KCNAB1: variants seen among roughly 807,000 people sequenced by gnomAD.
The protein encoded by KCNAB1 is potassium voltage-gated channel subfamily A regulatory beta subunit 1, also known as voltage-gated potassium channel subunit beta-1.
Under a neutral mutation model 64.6 loss-of-function variants are expected in KCNAB1, and 35 were observed. The ratio of observed to expected loss-of-function variants is 0.54; its 90% CI spans 0.41 to 0.72. KCNAB1 has a LOEUF of 0.72. KCNAB1 is among the 30% of genes least tolerant of loss of function. KCNAB1 has a pLI of 0.00. For synonymous variants in KCNAB1, 177 were observed against 183.8 expected (o/e 0.96, Z 0.30); for missense variants, 401 against 512.9 (o/e 0.78, Z 2.11).
intron 1 of KCNAB1, among the ~76,000 whole-genome samples, chr3:156,233,119 G>T (rs1243855680): frequency 6.6e-6 from 1 of 152,142 alleles, no homozygotes; most frequent in South Asian, 2.1e-4. Context: ...CACTTTTGGG[G>T]CACAAAGGGG....
chr3:156,223,290 G>C (rs1715903668), intron 1 of KCNAB1, among the ~76,000 whole-genome samples: 2 of 152,234 alleles, frequency 1.3e-5, no homozygotes, highest in African/African-American at 2.4e-5. Context: ...AGCTTCCACA[G>C]TGTGGAAGGG....
At chr3:156,485,476 A>G (rs1715137051) in intron 8 of KCNAB1, among the ~76,000 whole-genome samples, 1 of 152,108 alleles carries the variant, frequency 6.6e-6, no homozygotes, top group Non-Finnish European at 1.5e-5. Context: ...ATACTCAAGA[A>G]TATTCAAGCC....
At chr3:156,483,249 C>G (rs1352199408) in intron 8 of KCNAB1, among the ~76,000 whole-genome samples, 1 of 152,072 alleles carries the variant, frequency 6.6e-6, no homozygotes, top group East Asian at 1.9e-4. Context: ...GACAAGCCCA[C>G]CTGGCCATGA....
intron 1 of KCNAB1, among the ~76,000 whole-genome samples, chr3:156,288,326 G>A (rs79483679): frequency 0.022 from 3,313 of 152,238 alleles, 142 homozygotes; most frequent in African/African-American, 0.076. Context: ...ACATGAATTT[G>A]GAGGGAGCAC....
intron 1 of KCNAB1, among the ~76,000 whole-genome samples, chr3:156,324,790 A>G (rs1722866685): frequency 6.6e-6 from 1 of 152,128 alleles, no homozygotes; most frequent in African/African-American, 2.4e-5. Context: ...TCAGGTAATA[A>G]AAAGACCAGG....
chr3:156,228,851 CT>C (rs1022411078), intron 1 of KCNAB1, among the ~76,000 whole-genome samples: 31 of 152,336 alleles, frequency 2.0e-4, no homozygotes, highest in Non-Finnish European at 3.1e-4. Context: ...CCACATGGCC[CT>C]TTGTAGGCTG....
At chr3:156,484,208 T>C (rs1477371535) in intron 8 of KCNAB1, among the ~76,000 whole-genome samples, 2 of 152,116 alleles carry the variant, frequency 1.3e-5, no homozygotes, top group Admixed American at 1.3e-4. Flanking sequence ...AGAGATTCAA[T>C]CTGTATCATT....
intron 7 of KCNAB1, among the ~76,000 whole-genome samples, chr3:156,466,241 A>C (rs1203423770): frequency 6.6e-6 from 1 of 152,104 alleles, no homozygotes; most frequent in South Asian, 2.1e-4. Flanking sequence ...ATGATATATG[A>C]TATTTTGTAA....
intron 1 of KCNAB1, among the ~76,000 whole-genome samples, chr3:156,256,170 A>G (rs1718088063): frequency 6.6e-6 from 1 of 152,236 alleles, no homozygotes; most frequent in Non-Finnish European, 1.5e-5. Flanking sequence ...TAAATTAACA[A>G]ATGAAAAAGT....
At chr3:156,237,205 A>G (rs1716902438) in intron 1 of KCNAB1, among the ~76,000 whole-genome samples, 1 of 152,214 alleles carries the variant, frequency 6.6e-6, no homozygotes, top group Non-Finnish European at 1.5e-5. Flanking sequence ...TTCATAGATG[A>G]TAGCATGAAA....
chr3:156,399,820 T>C (rs9847596), intron 1 of KCNAB1, among the ~76,000 whole-genome samples: 5,745 of 152,268 alleles, frequency 0.038, 308 homozygotes, highest in African/African-American at 0.11. Context: ...TAGAAATCAT[T>C]CCATTGTAAA....
chr3:156,390,017 A>G (rs1712912343), intron 1 of KCNAB1, among the ~76,000 whole-genome samples: 1 of 151,978 alleles, frequency 6.6e-6, no homozygotes, highest in Admixed American at 6.5e-5. Context: ...TTACACAGAC[A>G]TATCATTTTT....
At chr3:156,504,604 G>T (rs1716685342) in intron 8 of KCNAB1, among the ~76,000 whole-genome samples, 1 of 151,844 alleles carries the variant, frequency 6.6e-6, no homozygotes, top group South Asian at 2.1e-4. Flanking sequence ...CAGTCTAATG[G>T]GTAAGATGGT....
chr3:156,340,268 G>GA (rs1481748417), intron 1 of KCNAB1, among the ~76,000 whole-genome samples: 2 of 152,086 alleles, frequency 1.3e-5, no homozygotes, highest in South Asian at 4.1e-4. Context: ...TAGATAAGCT[G>GA]AAAAAATAAA....
At chr3:156,330,932 C>T (rs1723289816) in intron 1 of KCNAB1, among the ~76,000 whole-genome samples, 1 of 152,104 alleles carries the variant, frequency 6.6e-6, no homozygotes, top group Non-Finnish European at 1.5e-5. Flanking sequence ...ATGGAATGTT[C>T]CCCTTATATC....
At chr3:156,501,472 C>CA (rs2052432988) in intron 8 of KCNAB1, among the ~76,000 whole-genome samples, 2 of 137,716 alleles carry the variant, frequency 1.5e-5, no homozygotes, top group Admixed American at 1.5e-4. Flanking sequence ...CTCTGTTGCC[C>CA]AGGCTGGAAA....
At chr3:156,378,104 G>A (rs922019927) in intron 1 of KCNAB1, among the ~76,000 whole-genome samples, 2 of 152,120 alleles carry the variant, frequency 1.3e-5, no homozygotes, top group Non-Finnish European at 2.9e-5. Context: ...AGCAAACAAA[G>A]CGGGTGATGA....
chr3:156,532,387 C>T (rs1210727467), intron 13 of KCNAB1, among the ~76,000 whole-genome samples: 2 of 152,186 alleles, frequency 1.3e-5, no homozygotes, highest in East Asian at 1.9e-4. Flanking sequence ...CTGCTAAAAG[C>T]CCTAGGAACG....
At chr3:156,423,646 A>T (rs542227510) in intron 2 of KCNAB1, among the ~76,000 whole-genome samples, 49 of 152,326 alleles carry the variant, frequency 3.2e-4, no homozygotes, top group Admixed American at 2.0e-3. Flanking sequence ...CCATGTCCAT[A>T]GTTATGTGTT....
Sources: allele counts gnomAD v4.1 joint callset (sites outside exome capture counted in the v4.1 genomes callset), GRCh38; gene constraint gnomAD v4.1.1; transcripts MANE v1.5; gene names NCBI Gene and HGNC (gene_info 2026-07-23, HGNC 2026-07-21).